The following CNTNAP2 variants were observed in gnomAD, a reference collection of about 807,000 sequenced individuals.
The protein encoded by CNTNAP2 is contactin-associated protein-like 2.
A neutral mutation model predicts 155.2 loss-of-function variants in CNTNAP2; 98 were observed. The observed-to-expected ratio is 0.63, with a 90% CI of 0.54 to 0.75. The LOEUF is 0.75. Among genes scored for constraint, CNTNAP2 ranks in the 30% least tolerant of loss-of-function variants. The pLI is 0.00. For missense variants in CNTNAP2, 1,727 were observed against 1,688.1 expected (o/e 1.02, Z -0.40); for synonymous variants, 651 against 631.2 (o/e 1.03, Z -0.47).
chr7:147,398,695 G>A (rs142774433), intron 10 of CNTNAP2, among the ~76,000 whole-genome samples: 1 of 138,038 alleles, frequency 7.2e-6, no homozygotes, highest in East Asian at 2.1e-4. Flanking sequence ...AAGCAAGCTT[G>A]CCAAGCTACA....
intron 10 of CNTNAP2, among the ~76,000 whole-genome samples, chr7:147,404,581 T>A (rs1247701228): frequency 6.6e-6 from 1 of 152,190 alleles, no homozygotes; most frequent in Non-Finnish European, 1.5e-5. Context: ...TTCTGAGAAG[T>A]CCCATTTCAT....
rs187054529 is a variant in CNTNAP2, at chr7:147,210,856, T to C, written c.1348+78347T>C. 4.1e-4 allele frequency among the ~76,000 whole-genome samples: 63 copies of C among 152,132 alleles called. 1 individual carries two copies. The East Asian group carries it at 0.01, about 25-fold the overall frequency. ...TCAAAAGTCATTCAGAAACAAGTCATTTAATTTCCATGTAATCATGTAGTT... is the reference window on the plus strand; with the variant it reads ...TCAAAAGTCATTCAGAAACAAGTCACTTAATTTCCATGTAATCATGTAGTT... On this transcript the variant is annotated intron_variant, in intron 8 of 23. Coordinates refer to ENST00000361727, the MANE Select transcript of CNTNAP2 (RefSeq NM_014141.6).
At chr7:148,213,108 G>A (rs1283856716) in intron 18 of CNTNAP2, among the ~76,000 whole-genome samples, 2 of 152,012 alleles carry the variant, frequency 1.3e-5, no homozygotes, top group African/African-American at 2.4e-5. Context: ...ACTCAGCTTC[G>A]TGCCCCATCA....
intron 1 of CNTNAP2, among the ~76,000 whole-genome samples, chr7:146,452,044 G>A (rs369328318): frequency 1.3e-5 from 2 of 151,486 alleles, no homozygotes; most frequent in Non-Finnish European, 2.9e-5. Context: ...AAGTGGCTGG[G>A]ACTACAGGCA....
chr7:146,168,983 G>T (rs1031059763), intron 1 of CNTNAP2, among the ~76,000 whole-genome samples: 1 of 152,070 alleles, frequency 6.6e-6, no homozygotes, highest in Admixed American at 6.6e-5. Context: ...AGCCGCAGTG[G>T]CCTTTTTCCA....
At chr7:147,043,279 T>A (rs1799293744) in intron 3 of CNTNAP2, among the ~76,000 whole-genome samples, 2 of 150,620 alleles carry the variant, frequency 1.3e-5, no homozygotes, top group African/African-American at 5.0e-5. Flanking sequence ...AAAAATAAAA[T>A]TAAAAAAAAA....
intron 3 of CNTNAP2, among the ~76,000 whole-genome samples, chr7:146,934,420 A>G (rs964184543): frequency 8.1e-6 from 1 of 123,972 alleles, no homozygotes; most frequent in African/African-American, 3.1e-5. Flanking sequence ...GAAGGGGACC[A>G]TCACACTCCG....
chr7:148,279,897 C>T (rs150331223), intron 21 of CNTNAP2, among the ~76,000 whole-genome samples: 140 of 152,272 alleles, frequency 9.2e-4, no homozygotes, highest in Non-Finnish European at 1.0e-3. Context: ...CCAATGATCC[C>T]ATTTATGCAA....
intron 1 of CNTNAP2, among the ~76,000 whole-genome samples, chr7:146,539,017 A>G (rs887386919): frequency 2.6e-5 from 4 of 152,108 alleles, no homozygotes; most frequent in African/African-American, 4.8e-5. Flanking sequence ...CACGTAGCCC[A>G]TTTTAAAGTC....
intron 17 of CNTNAP2, among the ~76,000 whole-genome samples, chr7:148,164,702 G>A (rs1254793593): frequency 7.2e-6 from 1 of 139,516 alleles, no homozygotes; most frequent in Non-Finnish European, 1.5e-5. Context: ...CTCATTGCAA[G>A]CTCCACCTCC....
chr7:147,551,689 G>C (rs904164337), intron 11 of CNTNAP2, among the ~76,000 whole-genome samples: 1 of 152,074 alleles, frequency 6.6e-6, no homozygotes, highest in African/African-American at 2.4e-5. Flanking sequence ...TGCTGCATTG[G>C]TTTTAACAGT....
At position 147,850,076 on chromosome 7, in the gene CNTNAP2, T is replaced by TC. The variant is rs1411788616; in HGVS notation, c.2099-53489_2099-53488insC. 3 of 152,182 alleles carry TC rather than the reference T, an allele frequency of 2.0e-5. No individual in the cohort carries two copies. In the East Asian group the frequency reaches 5.8e-4, roughly 29 times the overall value. 9.4% of individuals were successfully genotyped at this position (152,182 alleles called of 1,614,324 possible). ...TCCTTTTCTGGAAAGAGGCAACATT[T>TC]TAAGACCATTCAAGATTAACCTTTA... On this transcript the variant is annotated intron_variant, in intron 13 of 23. Transcript: ENST00000361727.
chr7:147,239,496 C>T (rs1017957510), intron 8 of CNTNAP2, among the ~76,000 whole-genome samples: 11 of 141,822 alleles, frequency 7.8e-5, no homozygotes, highest in East Asian at 4.1e-4. Context: ...GGCAATAGAG[C>T]GAGACTCCGT....
At chr7:147,226,073 T>C (rs1226229802) in intron 8 of CNTNAP2, among the ~76,000 whole-genome samples, 1 of 152,200 alleles carries the variant, frequency 6.6e-6, no homozygotes, top group African/African-American at 2.4e-5. Context: ...ACAAGGATTC[T>C]AACAAGGATT....
chr7:146,433,584 C>A (rs1796201179), intron 1 of CNTNAP2, among the ~76,000 whole-genome samples: 1 of 151,998 alleles, frequency 6.6e-6, no homozygotes, highest in East Asian at 1.9e-4. Context: ...GTCTATGGAT[C>A]CAGAGAGTTC....
At chr7:146,544,286 C>T (rs1259376237) in intron 1 of CNTNAP2, among the ~76,000 whole-genome samples, 3 of 151,874 alleles carry the variant, frequency 2.0e-5, no homozygotes, top group African/African-American at 2.4e-5. Flanking sequence ...CCACATGCAG[C>T]CACACTTCAT....
chr7:147,135,385 C>G (rs1479654547), intron 8 of CNTNAP2, among the ~76,000 whole-genome samples: 2 of 151,644 alleles, frequency 1.3e-5, no homozygotes, highest in African/African-American at 4.8e-5. Flanking sequence ...AACAAAAAAC[C>G]CTACTTACTT....
At chr7:148,260,195 T>A in intron 20 of CNTNAP2, among the ~76,000 whole-genome samples, 2 of 152,354 alleles carry the variant, frequency 1.3e-5, no homozygotes, top group East Asian at 3.9e-4. Flanking sequence ...AAGTATTTTC[T>A]CTTTTAAATG....
At chr7:146,788,923 A>G (rs1802625603) in intron 2 of CNTNAP2, among the ~76,000 whole-genome samples, 1 of 152,124 alleles carries the variant, frequency 6.6e-6, no homozygotes, top group African/African-American at 2.4e-5. Context: ...TGACCCCAAG[A>G]GACTGGGTGG....
Sources: gnomAD v4.1 joint callset for allele counts (sites outside exome capture counted in the v4.1 genomes callset) on GRCh38, gnomAD v4.1.1 for gene constraint, MANE v1.5 for transcripts, NCBI Gene and HGNC (gene_info 2026-07-23, HGNC 2026-07-21) for gene names.